Variants in CNNM4 observed in about 807,000 individuals in gnomAD.
The protein encoded by CNNM4 is cyclin and CBS domain divalent metal cation transport mediator 4.
CNNM4 carries 32 observed loss-of-function variants against 53.7 expected under a neutral mutation model. The observed-to-expected ratio is 0.60, with a 90% confidence interval of 0.45 to 0.80. CNNM4 has a LOEUF of 0.80. Ranked by LOEUF, CNNM4 falls within the 30% of genes least tolerant of loss-of-function variation. The pLI is 0.00. For missense variants in CNNM4, 784 were observed against 1,022.0 expected (o/e 0.77, Z 3.17); for synonymous variants, 410 against 440.0 (o/e 0.93, Z 0.85).
intron 1 of CNNM4, 117 bp downstream of exon 1, chr2:96,762,518 T>A: frequency 1.0e-6 from 1 of 969,340 alleles, no homozygotes; most frequent in Non-Finnish European, 1.6e-6. Context: ...TCCCTTTGCC[T>A]ATCGCTTCCT....
chr2:96,767,620 C>A (rs1231359124), intron 1 of CNNM4, among the ~76,000 whole-genome samples: 1 of 152,194 alleles, frequency 6.6e-6, no homozygotes, highest in South Asian at 2.1e-4. Context: ...AACACCTTAT[C>A]TTTCCCCACC....
At chr2:96,769,110 G>C (rs940972398) in intron 1 of CNNM4, among the ~76,000 whole-genome samples, 21 of 152,158 alleles carry the variant, frequency 1.4e-4, no homozygotes, top group African/African-American at 5.1e-4. Flanking sequence ...AATTAGCTGG[G>C]TGTGGTGGTG....
At position 96,761,428 on chromosome 2, in the gene CNNM4, G is replaced by C. The variant is rs370486600; in HGVS notation, c.429G>C (p.Glu143Asp). The C allele has an allele frequency of 8.7e-5, 140 of 1,614,052 alleles. No individual in the cohort carries two copies. Among genetic ancestry groups the C allele is most frequent in the Non-Finnish European group, 1.1e-4 (127 of 1,180,040 alleles). The change falls in exon 1 of 7, where the codon GAG (glutamate) becomes GAC (aspartate). Residue 143 changes from glutamate (E) to aspartate (D), a missense_variant. By Grantham distance (45) the Glu-to-Asp change is conservative (BLOSUM62 2). Around this residue, in one of 3 missense-constraint regions of CNNM4, gnomAD observed 473 missense variants for 624.6 expected, o/e 0.76. Transcript: ENST00000377075. This position sits in a 1 kb window ranked among gnomAD's most constrained non-coding sequence, Gnocchi z 6.0. ...VVLTKFLRRS[E>D]SMKLYALCTR... ...TCACCAAGTTCCTCCGGAGGAGCGAGAGCATGAAGCTGTATGCACTGTGCA... is the reference window on the plus strand; with the variant it reads ...TCACCAAGTTCCTCCGGAGGAGCGACAGCATGAAGCTGTATGCACTGTGCA...
Position 96,797,554 on chromosome 2 carries a change from C to A in CNNM4, c.1588C>A (p.Arg530Ser), listed in dbSNP as rs775648616. ...GAAGCGGGTGTCTGAGAAGAACAAG[C>A]GTGACTTCTCTGCCTTCAAGGATGC... is the stretch of plus-strand genomic sequence containing the variant. ...SRKRVSEKNK[R>S]DFSAFKDADN... Residue 530 changes from arginine (R) to serine (S), a missense_variant, in exon 3 of 7, where the codon CGT becomes AGT. Transcript: ENST00000377075. The surrounding 1 kb of genome is among the most constrained non-coding windows in gnomAD (Gnocchi z 6.0). The A allele has an allele frequency of 6.2e-7, 1 of 1,614,032 alleles. No individual in the cohort carries two copies. Among genetic ancestry groups the A allele is most frequent in the East Asian group, 2.2e-5 (1 of 44,904 alleles).
At chr2:96,805,418 G>GTTTTTTTTT (rs898761608) in intron 5 of CNNM4, among the ~76,000 whole-genome samples, 13 of 76,114 alleles carry the variant, frequency 1.7e-4, no homozygotes, top group South Asian at 5.1e-4. Flanking sequence ...CTTCTTTTCA[G>GTTTTTTTTT]TTTTTTTTTT....
intron 1 of CNNM4, among the ~76,000 whole-genome samples, chr2:96,777,732 C>T (rs560605676): frequency 6.6e-6 from 1 of 150,584 alleles, no homozygotes; most frequent in African/African-American, 2.4e-5. Flanking sequence ...GAACTCCTGA[C>T]CTCAGGTGAT....
In CNNM4 at chr2:96,797,567, C is replaced by T; in HGVS notation, c.1601C>T (p.Ala534Val). 6.2e-7 allele frequency: 1 copy of T among 1,614,208 alleles called. No individual in the cohort carries two copies. The highest frequency in any genetic ancestry group is 8.5e-7 in the Non-Finnish European group (1 of 1,180,022). The stretch of plus-strand genomic sequence containing the variant: ...GAGAAGAACAAGCGTGACTTCTCTG[C>T]CTTCAAGGATGCGGACAATGAGCTC... ...VSEKNKRDFS[A>V]FKDADNELKV... Residue 534 changes from alanine to valine, a missense_variant, in exon 3 of 7, where the codon GCC (alanine) becomes GTC (valine). Physicochemically the swap from Ala to Val is moderately conservative, Grantham distance 64. Coordinates refer to ENST00000377075, the MANE Select transcript of CNNM4 (RefSeq NM_020184.4). The surrounding 1 kb of genome is among the most constrained non-coding windows in gnomAD (Gnocchi z 6.0).
At chr2:96,792,007 A>G (rs2079066234) in intron 1 of CNNM4, among the ~76,000 whole-genome samples, 1 of 151,948 alleles carries the variant, frequency 6.6e-6, no homozygotes, top group Non-Finnish European at 1.5e-5. Context: ...AAATCTCAGC[A>G]CTTTGGGAGG....
chr2:96,791,044 G>A (rs1237404683), intron 1 of CNNM4, among the ~76,000 whole-genome samples: 3 of 151,146 alleles, frequency 2.0e-5, no homozygotes, highest in East Asian at 2.0e-4. Context: ...TGCTTGATCC[G>A]GGGAGATGGA....
At position 96,799,554 on chromosome 2, in the gene CNNM4, G is replaced by C; in HGVS notation, c.1854G>C (p.Gly618=). The part of the protein sequence containing the change: ...PADYFILILQ[G]KVEVEAGKEN... ...ACTCCAGCCCTGTGTTTTTTCAGGGGAAGGTGGAGGTGGAGGCAGGGAAGG... is the reference window on the plus strand; with the variant it reads ...ACTCCAGCCCTGTGTTTTTTCAGGGCAAGGTGGAGGTGGAGGCAGGGAAGG... The change falls in exon 5 of 7, where the codon GGG becomes GGC. Residue 618 remains glycine, a splice_region_variant and synonymous_variant. Transcript: ENST00000377075. The C allele has an allele frequency of 6.4e-7, 1 of 1,554,170 alleles. No homozygotes were observed. The highest frequency in any genetic ancestry group is 1.2e-5 in the South Asian group (1 of 84,188).
chr2:96,799,497 C>T, intron 4 of CNNM4, 55 bp from the exon 5 acceptor site: 2 of 1,468,044 alleles, frequency 1.4e-6, no homozygotes, highest in Non-Finnish European at 1.9e-6. Flanking sequence ...CATCCTGCCT[C>T]ATCCTTTGTT....
At chr2:96,807,058 C>T (rs1558998285) in intron 5 of CNNM4, among the ~76,000 whole-genome samples, 1 of 152,136 alleles carries the variant, frequency 6.6e-6, no homozygotes, top group East Asian at 1.9e-4. Flanking sequence ...GGCGGGTGGA[C>T]AGAGTGTAGT....
Position 96,808,822 on chromosome 2 carries a change from C to T in CNNM4, c.2130+80C>T. The T allele has an allele frequency of 7.0e-7, 1 of 1,420,082 alleles. No homozygotes were observed. Among genetic ancestry groups the T allele is most frequent in the Non-Finnish European group, 9.9e-7 (1 of 1,009,696 alleles). 88.0% of individuals were successfully genotyped at this position (1,420,082 alleles called of 1,614,324 possible). ...TACTACTTTCATCCACCAAACCCAG[C>T]ATGGTGGGCCCAAACCCGAGATGCC... On this transcript the variant is annotated intron_variant, in intron 6 of 6. Coordinates refer to ENST00000377075, the MANE Select transcript of CNNM4 (RefSeq NM_020184.4). This position sits in a 1 kb window ranked among gnomAD's most constrained non-coding sequence, Gnocchi z 4.9.
At position 96,762,049 on chromosome 2, in the gene CNNM4, C is replaced by T. The variant is rs1403041073; in HGVS notation, c.1050C>T (p.Pro350=). The change falls in exon 1 of 7, where the codon CCC becomes CCT. Residue 350 remains proline, a synonymous_variant. Coordinates refer to ENST00000377075, the MANE Select transcript of CNNM4 (RefSeq NM_020184.4). ...TGGAGATGTTGAAGGTGACGGAGCC[C>T]TATAATGACCTCGTGAAAGAGGAGC... ...KLMEMLKVTE[P]YNDLVKEELN... The T allele has an allele frequency of 1.9e-6, 3 of 1,614,112 alleles. No homozygotes were observed. The highest frequency in any genetic ancestry group is 3.3e-5 in the Admixed American group (2 of 60,002).
At position 96,797,383 on chromosome 2, in the gene CNNM4, C is replaced by T. The variant is rs1225893076; in HGVS notation, c.1547-130C>T. 1 of 1,465,472 alleles carries T rather than the reference C, an allele frequency of 6.8e-7. No homozygotes were observed. Among genetic ancestry groups the T allele is most frequent in the African/African-American group, 1.4e-5 (1 of 72,288 alleles). The allele number at this position is 1,465,472 out of a possible 1,614,324, so 90.8% of individuals were successfully genotyped here. On this transcript the variant is annotated intron_variant, in intron 2 of 6. Transcript: ENST00000377075. The surrounding 1 kb of genome is among the most constrained non-coding windows in gnomAD (Gnocchi z 6.0). ...TTGTGCCTCGGCGTCAGCCCAGGACCCTGCCAGCCAGAGCCTGCTGCTCCT... is the reference window on the plus strand; with the variant it reads ...TTGTGCCTCGGCGTCAGCCCAGGACTCTGCCAGCCAGAGCCTGCTGCTCCT...
intron 5 of CNNM4, among the ~76,000 whole-genome samples, chr2:96,804,783 G>A (rs1410671601): frequency 1.3e-5 from 2 of 152,104 alleles, no homozygotes; most frequent in South Asian, 2.1e-4. Context: ...TGATCCGCCC[G>A]CCTCAGCCTC....
Position 96,809,390 on chromosome 2 carries a change from ACGGGTGCAC to A in CNNM4, c.2203_2211del (p.Gly735_Thr737del), listed in dbSNP as rs550956407. 464 of 1,614,110 alleles carry A rather than the reference ACGGGTGCAC, an allele frequency of 2.9e-4. 1 individual carries two copies. The African/African-American group carries it at 5.4e-3, about 19-fold the overall frequency. ...GAGAACAGCCCTCAGTTTCCCATAG[ACGGGTGCAC>A]CACCCACATGGAGAACTTGGCCGAG... On this transcript the variant is annotated inframe_deletion, in exon 7 of 7. Transcript: ENST00000377075.
intron 1 of CNNM4, among the ~76,000 whole-genome samples, chr2:96,789,322 C>G (rs999917100): frequency 2.6e-5 from 4 of 152,186 alleles, no homozygotes; most frequent in Non-Finnish European, 1.5e-5. Flanking sequence ...GACACGGAGG[C>G]TGGGGAGCAG....
chr2:96,775,114 G>A lies in CNNM4; in HGVS notation c.1402+12713G>A, dbSNP rs544623105. Reference sequence around the variant, plus strand: ...GTTGATGCATAATATAGAGAAAAGTGCATAAATCATAAGGGTACAGCCTGA... The same window carrying A: ...GTTGATGCATAATATAGAGAAAAGTACATAAATCATAAGGGTACAGCCTGA... On this transcript the variant is annotated intron_variant, in intron 1 of 6. Transcript: ENST00000377075. 1.8e-3 allele frequency among the ~76,000 whole-genome samples: 272 copies of A among 151,162 alleles called. 1 individual carries two copies. The highest frequency in any genetic ancestry group is 6.5e-3 in the African/African-American group (266 of 41,224).
Sources: gnomAD v4.1 joint callset for allele counts (sites outside exome capture counted in the v4.1 genomes callset) on GRCh38, gnomAD v4.1.1 for gene constraint, gnomAD v4.1.1 regional missense constraint, Gnocchi (gnomAD v3.1) non-coding constraint, MANE v1.5 for transcripts, NCBI Gene and HGNC (gene_info 2026-07-23, HGNC 2026-07-21) for gene names.